PCNT: variants seen among roughly 807,000 people sequenced by gnomAD.
PCNT encodes the protein kendrin.
Under a neutral mutation model 380.4 loss-of-function variants are expected in PCNT, and 319 were observed. The observed-to-expected ratio is 0.84, with a 90% CI of 0.77 to 0.92. The LOEUF is 0.92. Ranked by LOEUF, PCNT falls within the 40% of genes least tolerant of loss-of-function variation. The pLI, the probability that PCNT is intolerant of heterozygous loss-of-function variation, is 0.00. For synonymous variants in PCNT, 1,845 were observed against 1,735.2 expected, an observed-to-expected ratio of 1.06 and a Z score of -1.57; for missense variants, 4,400 against 4,255.3, an observed-to-expected ratio of 1.03 and a Z score of -0.95.
chr21:46,424,107 G>T (rs2087387329), intron 32 of PCNT, among the ~76,000 whole-genome samples: 1 of 152,184 alleles, frequency 6.6e-6, no homozygotes, highest in African/African-American at 2.4e-5. Context: ...GCGCGTGGGG[G>T]ACACCCACTG....
In PCNT at chr21:46,390,740, A is replaced by G; in HGVS notation, c.3911A>G (p.Gln1304Arg). ...AGTTTTAAGAATGAGGAGACAGCAC[A>G]GGTTGTCAGGAAGCACCAGGAGCTG... ...EFSFKNEETA[Q>R]VVRKHQELLE... is the part of the protein sequence containing the mutation. Residue 1304 changes from glutamine to arginine, a missense_variant, in exon 20 of 47, where the codon CAG (glutamine) becomes CGG (arginine). Gln to Arg is a conservative substitution (Grantham distance 43). Coordinates refer to ENST00000359568, the MANE Select transcript of PCNT (RefSeq NM_006031.6). 1 of 1,613,738 alleles carries G rather than the reference A, an allele frequency of 6.2e-7. No individual in the cohort carries two copies. Among genetic ancestry groups the G allele is most frequent in the East Asian group, 2.2e-5 (1 of 44,882 alleles).
intron 3 of PCNT, among the ~76,000 whole-genome samples, chr21:46,336,917 A>G (rs951584527): frequency 6.6e-6 from 1 of 151,928 alleles, no homozygotes; most frequent in African/African-American, 2.4e-5. Context: ...TCCTTCTCGG[A>G]TAGTGAGAAG....
chr21:46,326,928 G>T (rs1026453536), intron 2 of PCNT, among the ~76,000 whole-genome samples: 2 of 151,348 alleles, frequency 1.3e-5, no homozygotes, highest in African/African-American at 4.9e-5. Context: ...GAGGAGAATA[G>T]CTTCAACTTG....
chr21:46,363,710 A>G lies in PCNT; in HGVS notation c.2385A>G (p.Glu795=), dbSNP rs1333574381. The G allele has an allele frequency of 8.1e-6, 13 of 1,614,084 alleles. No homozygotes were observed. The highest frequency in any genetic ancestry group is 1.1e-5 in the Non-Finnish European group (13 of 1,180,026). Residue 795 remains glutamate, a synonymous_variant, in exon 14 of 47, where the codon GAA becomes GAG. Coordinates refer to ENST00000359568, the MANE Select transcript of PCNT (RefSeq NM_006031.6). ...ACAAGTTTGAGCTTCGAGAAGCTGA[A>G]ATGAGGCAGCTTCAGGACCAACAGG... is the stretch of plus-strand genomic sequence containing the variant. ...IINKFELREA[E]MRQLQDQQAA...
At chr21:46,440,459 G>A (rs2053577239) in intron 42 of PCNT, among the ~76,000 whole-genome samples, 1 of 152,260 alleles carries the variant, frequency 6.6e-6, no homozygotes, top group Non-Finnish European at 1.5e-5. Context: ...GGCCTCTGCA[G>A]CCTGAGGGAG....
intron 10 of PCNT, 124 bp from the exon 11 acceptor site, chr21:46,353,863 C>A: frequency 1.2e-6 from 1 of 807,028 alleles, no homozygotes; most frequent in Middle Eastern, 2.7e-4. Context: ...ATGGACATTG[C>A]CCGTCCTTGA....
At chr21:46,372,324 A>T (rs975641135) in intron 15 of PCNT, among the ~76,000 whole-genome samples, 1 of 151,790 alleles carries the variant, frequency 6.6e-6, no homozygotes, top group Admixed American at 6.6e-5. Flanking sequence ...GCACGCACAC[A>T]CAACACGTGC....
chr21:46,429,482 G>A (rs1013699686), intron 35 of PCNT, among the ~76,000 whole-genome samples: 1 of 151,466 alleles, frequency 6.6e-6, no homozygotes. Context: ...GCTCGTGAGG[G>A]GCATGGGGGT....
At chr21:46,327,137 T>C (rs2083421144) in intron 2 of PCNT, among the ~76,000 whole-genome samples, 1 of 151,898 alleles carries the variant, frequency 6.6e-6, no homozygotes, top group African/African-American at 2.4e-5. Flanking sequence ...CTCGGCTCAC[T>C]GCAAGCTCCG....
chr21:46,441,127 C>A, intron 43 of PCNT, 43 bp downstream of exon 43: 1 of 1,203,808 alleles, frequency 8.3e-7, no homozygotes, highest in Non-Finnish European at 1.2e-6. Flanking sequence ...GCGTCTGTCT[C>A]CGTGAGTGGG....
chr21:46,432,229 G>T lies in PCNT; in HGVS notation c.8751+14G>T. On this transcript the variant is annotated intron_variant, in intron 38 of 46. Coordinates refer to ENST00000359568, the MANE Select transcript of PCNT (RefSeq NM_006031.6). The stretch of plus-strand genomic sequence containing the variant: ...AAGGAGAAGCTGGTGAGAGCCGCCT[G>T]CCGGCGGAGCGTCCACACCTAAAAA... The T allele has an allele frequency of 6.3e-7, 1 of 1,596,708 alleles. No homozygotes were observed.
At chr21:46,346,440 C>T (rs1001572448) in intron 4 of PCNT, among the ~76,000 whole-genome samples, 2 of 152,170 alleles carry the variant, frequency 1.3e-5, no homozygotes, top group African/African-American at 4.8e-5. Context: ...ACACTGACCT[C>T]AGGCCGGTTG....
At chr21:46,394,238 C>T (rs899807575) in intron 21 of PCNT, among the ~76,000 whole-genome samples, 5 of 152,212 alleles carry the variant, frequency 3.3e-5, no homozygotes, top group African/African-American at 1.2e-4. Flanking sequence ...TGTTGCGTGA[C>T]GCCCCCTTCG....
At chr21:46,352,623 T>A (rs2084314464) in intron 9 of PCNT, among the ~76,000 whole-genome samples, 1 of 152,242 alleles carries the variant, frequency 6.6e-6, no homozygotes, top group Non-Finnish European at 1.5e-5. Context: ...TCTCTGCTGC[T>A]GTGTAACAAA....
chr21:46,396,728 C>T (rs1284394530), intron 21 of PCNT, among the ~76,000 whole-genome samples: 3 of 152,218 alleles, frequency 2.0e-5, no homozygotes, highest in East Asian at 3.9e-4. Flanking sequence ...CTCAGCCTCC[C>T]GAGTAGCTGG....
rs747661092 is a variant in PCNT at position 46,391,288 on chromosome 21, C to A, written c.4128C>A (p.Ala1376=). The A allele has an allele frequency of 6.3e-7, 1 of 1,584,802 alleles. No individual in the cohort carries two copies. Among genetic ancestry groups the A allele is most frequent in the South Asian group, 1.2e-5 (1 of 86,824 alleles). The change falls in exon 21 of 47, where the codon GCC becomes GCA. Residue 1376 remains alanine (A), a synonymous_variant. Transcript: ENST00000359568. ...TGAGACGGCAGCTGCAGCAGGCGGC[C>A]CAGGAGCAGGCGGCGCTGAGGGAGG... is the stretch of plus-strand genomic sequence containing the variant. ...ESLRRQLQQA[A]QEQAALREEC...
In PCNT at chr21:46,441,094, A is replaced by G. The variant is rs1219087968; in HGVS notation, c.9623+10A>G. The stretch of plus-strand genomic sequence containing the variant: ...TCATTGCAATATTAAGGTAAATGCC[A>G]TGACGTTCAGTCAGTGCGTTCCGCG... On this transcript the variant is annotated intron_variant, in intron 43 of 46. Coordinates refer to ENST00000359568, the MANE Select transcript of PCNT (RefSeq NM_006031.6). 12 of 1,550,918 alleles carry G rather than the reference A, an allele frequency of 7.7e-6. No individual in the cohort carries two copies. Among genetic ancestry groups the G allele is most frequent in the Non-Finnish European group, 9.8e-6 (11 of 1,122,404 alleles).
intron 27 of PCNT, among the ~76,000 whole-genome samples, chr21:46,408,302 C>A (rs779576256): frequency 6.6e-6 from 1 of 152,162 alleles, no homozygotes; most frequent in Non-Finnish European, 1.5e-5. Context: ...ATTCACCCAT[C>A]GAGGGACATT....
chr21:46,435,435 A>G (rs1163521094), intron 38 of PCNT, among the ~76,000 whole-genome samples: 1 of 151,586 alleles, frequency 6.6e-6, no homozygotes, highest in Non-Finnish European at 1.5e-5. Flanking sequence ...CATGTTGGCC[A>G]GACTGGTCTC....
Sources: gnomAD v4.1 joint callset for allele counts (sites outside exome capture counted in the v4.1 genomes callset) on GRCh38, gnomAD v4.1.1 for gene constraint, MANE v1.5 for transcripts, NCBI Gene and HGNC (gene_info 2026-07-23, HGNC 2026-07-21) for gene names.